The following C2 variants were observed in gnomAD, a reference collection of about 807,000 sequenced individuals.
The protein encoded by C2 is C3/C5 convertase.
In C2, 64 loss-of-function variants were observed where a neutral mutation model predicts 85.2. The ratio of observed to expected loss-of-function variants is 0.75; its 90% CI spans 0.61 to 0.92. The LOEUF (loss-of-function observed/expected upper bound fraction) is 0.92. Among genes scored for constraint, C2 ranks in the 40% least tolerant of loss-of-function variants. The pLI is 0.00. For missense variants in C2, 820 were observed against 971.6 expected, an observed-to-expected ratio of 0.84 and a Z score of 2.07; for synonymous variants, 311 against 370.8, an observed-to-expected ratio of 0.84 and a Z score of 1.85.
chr6:31,934,239 G>A lies in C2; in HGVS notation c.789G>A (p.Gln263=), dbSNP rs766126716. ...TCTACCTGCTCCTGGACTGTTCGCA[G>A]AGTGTGTCGGAAAATGACTTTCTCA... ...LNLYLLLDCS[Q]SVSENDFLIF... The change falls in exon 6 of 18, where the codon CAG becomes CAA. Residue 263 remains glutamine (Q), a synonymous_variant. Transcript: ENST00000299367. 10 of 1,614,196 alleles carry A rather than the reference G, an allele frequency of 6.2e-6. No individual in the cohort carries two copies. The South Asian group carries it at 1.1e-4, about 18-fold the overall frequency.
In C2 at chr6:31,938,344, C is replaced by T. The variant is rs538511498; in HGVS notation, c.1129+885C>T. Among the ~76,000 whole-genome samples the T allele has an allele frequency of 3.1e-3, 469 of 151,970 alleles. 3 individuals carry two copies. The highest frequency in any genetic ancestry group is 9.9e-3 in the African/African-American group (409 of 41,422). On this transcript the variant is annotated intron_variant, in intron 8 of 17. Transcript: ENST00000299367. ...ACTTAGTATATAAAATGAGGATACC[C>T]ACTCTACCTGGGGTTTCATGAGAAT...
chr6:31,932,174 A>C (rs1582081215), intron 3 of C2, among the ~76,000 whole-genome samples: 3 of 98,520 alleles, frequency 3.0e-5, no homozygotes, highest in Admixed American at 1.0e-4. Context: ...GTGGCTCCTC[A>C]CTTCCCAGTA....
chr6:31,902,229 AC>A (rs1212609348), intron 1 of C2, among the ~76,000 whole-genome samples: 2 of 143,996 alleles, frequency 1.4e-5, no homozygotes, highest in Non-Finnish European at 3.0e-5. Flanking sequence ...TACGTTCCAC[AC>A]CCCCCTCTTT....
chr6:31,937,500 G>A (rs555060644), intron 8 of C2, 41 bp downstream of exon 8: 4 of 1,611,076 alleles, frequency 2.5e-6, no homozygotes, highest in Admixed American at 3.3e-5. Flanking sequence ...AATAGTGGAA[G>A]GGGCACCAAT....
At chr6:31,932,740 G>A (rs1005061912) in intron 3 of C2, among the ~76,000 whole-genome samples, 1 of 152,172 alleles carries the variant, frequency 6.6e-6, no homozygotes, top group Non-Finnish European at 1.5e-5. Flanking sequence ...CTGCAATCTC[G>A]GCACTTTGGG....
intron 1 of C2, among the ~76,000 whole-genome samples, chr6:31,909,417 G>A (rs933419586): frequency 2.0e-5 from 3 of 151,458 alleles, no homozygotes; most frequent in Non-Finnish European, 2.9e-5. Flanking sequence ...TTAGCCTCCC[G>A]AGTAGCTAGG....
chr6:31,944,787 G>A lies in C2; in HGVS notation c.1963G>A (p.Val655Ile). 1 of 1,613,106 alleles carries A rather than the reference G, an allele frequency of 6.2e-7. No homozygotes were observed. Among genetic ancestry groups the A allele is most frequent in the Non-Finnish European group, 8.5e-7 (1 of 1,180,028 alleles). ...AACCATGTTCCCCAACTTGACAGATGTCAGGGAGGTGGTGACAGACCAGTT... is the reference window on the plus strand; with the variant it reads ...AACCATGTTCCCCAACTTGACAGATATCAGGGAGGTGGTGACAGACCAGTT... ...EKTMFPNLTDVREVVTDQFLC... is the reference protein window; with the variant it reads ...EKTMFPNLTDIREVVTDQFLC... Residue 655 changes from valine (V) to isoleucine (I), a missense_variant, in exon 16 of 18, where the codon GTC becomes ATC. Physicochemically the swap from Val to Ile is conservative, Grantham distance 29 (BLOSUM62 3). Coordinates refer to ENST00000299367, the MANE Select transcript of C2 (RefSeq NM_000063.6). The surrounding 1 kb of genome is among the most constrained non-coding windows in gnomAD (Gnocchi z 5.1).
intron 3 of C2, among the ~76,000 whole-genome samples, chr6:31,932,968 C>G (rs530865042): frequency 2.2e-4 from 34 of 152,368 alleles, no homozygotes; most frequent in Admixed American, 4.6e-4. Context: ...ATACGAAAAC[C>G]AGTCAGGCGT....
upstream of C2, among the ~76,000 whole-genome samples, chr6:31,916,069 C>T (rs557009500): frequency 5.9e-5 from 9 of 152,104 alleles, no homozygotes; most frequent in African/African-American, 1.7e-4. Context: ...GGTTTGCTGG[C>T]GTGGAAGGAG....
intron 3 of C2, among the ~76,000 whole-genome samples, chr6:31,930,957 C>T (rs1194568531): frequency 1.3e-5 from 2 of 152,182 alleles, no homozygotes; most frequent in African/African-American, 4.8e-5. Context: ...AATGAGGTTC[C>T]CTCTTGTCCC....
chr6:31,900,898 ATCC>A (rs544646382), upstream of C2: 383 of 1,613,956 alleles, frequency 2.4e-4, no homozygotes, highest in East Asian at 6.7e-4. The surrounding 1 kb of genome is among the most constrained non-coding windows in gnomAD (Gnocchi z 9.7). Context: ...CACTGACCCC[ATCC>A]TCTTTGAGGC....
chr6:31,910,059 A>G (rs566590202), intron 1 of C2, among the ~76,000 whole-genome samples: 1 of 148,642 alleles, frequency 6.7e-6, no homozygotes, highest in East Asian at 2.1e-4. Flanking sequence ...TTTTGTATTT[A>G]TAGTAGAGAT....
intron 8 of C2, among the ~76,000 whole-genome samples, chr6:31,938,601 C>T (rs1333033986): frequency 6.6e-6 from 1 of 151,732 alleles, no homozygotes; most frequent in African/African-American, 2.4e-5. Flanking sequence ...AAGCAATTCT[C>T]GTGCCTCAGC....
rs997913124 is a variant in C2 at position 31,928,075 on chromosome 6, A to G, written c.167A>G (p.Tyr56Cys). Reference protein sequence around the residue: ...LLTYSCPQGLYPSPASRLCKS... With the variant: ...LLTYSCPQGLCPSPASRLCKS... ...ACCTACTCCTGCCCCCAGGGCCTGT[A>G]CCCATCCCCAGCATCACGGCTGTGC... Residue 56 changes from tyrosine (Y) to cysteine (C), a missense_variant, in exon 2 of 18, where the codon TAC (tyrosine) becomes TGC (cysteine). By Grantham distance (194) the Tyr-to-Cys change is radical. Transcript: ENST00000299367. 1.9e-6 allele frequency: 3 copies of G among 1,613,866 alleles called. No homozygotes were observed.
At chr6:31,930,994 C>T (rs995784262) in intron 3 of C2, among the ~76,000 whole-genome samples, 1 of 152,192 alleles carries the variant, frequency 6.6e-6, no homozygotes, top group African/African-American at 2.4e-5. Flanking sequence ...GCTCTTCTGA[C>T]CTCTGTCTCC....
At position 31,945,111 on chromosome 6, in the gene C2, C is replaced by G. The variant is rs193266718; in HGVS notation, c.2080-67C>G. Reference sequence around the variant, plus strand: ...GGGATGAGGGAGGCCTTTGAGGGATCTAGGGAGGTTGGGGCTTACAGTTGG... The same window carrying G: ...GGGATGAGGGAGGCCTTTGAGGGATGTAGGGAGGTTGGGGCTTACAGTTGG... On this transcript the variant is annotated intron_variant, in intron 17 of 17. Coordinates refer to ENST00000299367, the MANE Select transcript of C2 (RefSeq NM_000063.6). The surrounding 1 kb of genome is among the most constrained non-coding windows in gnomAD (Gnocchi z 5.3). The G allele has an allele frequency of 9.9e-6, 16 of 1,608,808 alleles. No individual in the cohort carries two copies. The Admixed American group carries it at 1.8e-4, about 18-fold the overall frequency.
In C2 at chr6:31,922,581, C is replaced by G. The variant is rs1769046940; in HGVS notation, c.-100+2555C>G. Among the ~76,000 whole-genome samples the G allele has an allele frequency of 6.6e-6, 1 of 152,170 alleles. No homozygotes were observed. The highest frequency in any genetic ancestry group is 2.4e-5 in the African/African-American group (1 of 41,418). On this transcript the variant is annotated intron_variant, in intron 1 of 3. Coordinates refer to the C2 transcript ENST00000413154. The surrounding 1 kb of genome is among the most constrained non-coding windows in gnomAD (Gnocchi z 4.8). ...AGGGGGCCTGGCACAGTGGCTCACACCTGTAATCCCAGCACTTTGGGAGGC... is the reference window on the plus strand; with the variant it reads ...AGGGGGCCTGGCACAGTGGCTCACAGCTGTAATCCCAGCACTTTGGGAGGC...
upstream of C2, among the ~76,000 whole-genome samples, chr6:31,926,210 A>G (rs1769248058): frequency 6.6e-6 from 1 of 152,048 alleles, no homozygotes; most frequent in African/African-American, 2.4e-5. Flanking sequence ...GGGAGAAAAG[A>G]TACTTGAGGG....
upstream of C2, among the ~76,000 whole-genome samples, chr6:31,923,168 C>T (rs758635149): frequency 2.6e-5 from 4 of 152,094 alleles, no homozygotes; most frequent in African/African-American, 7.2e-5. Flanking sequence ...TCGGGAGTGC[C>T]GAGGGGAATA....
Sources: gnomAD v4.1 joint callset for allele counts (sites outside exome capture counted in the v4.1 genomes callset) on GRCh38, gnomAD v4.1.1 for gene constraint, Gnocchi (gnomAD v3.1) non-coding constraint, MANE v1.5 for transcripts, NCBI Gene and HGNC (gene_info 2026-07-23, HGNC 2026-07-21) for gene names.